The following ANO3 variants were observed in gnomAD, a reference collection of about 807,000 sequenced individuals.
ANO3 encodes anoctamin 3, also known as anoctamin-3.
In ANO3, 99 loss-of-function variants were observed where a neutral mutation model predicts 144.8. That is an observed-to-expected ratio of 0.68 (90% CI 0.58 to 0.81). ANO3 has a LOEUF of 0.81. Among genes scored for constraint, ANO3 ranks in the 30% least tolerant of loss-of-function variants. The pLI is 0.00. For missense variants in ANO3, 905 were observed against 1,202.2 expected (o/e 0.75, Z 3.66); for synonymous variants, 414 against 392.6 (o/e 1.05, Z -0.64).
At chr11:26,529,636 G>A (rs1849315123) in intron 7 of ANO3, among the ~76,000 whole-genome samples, 1 of 148,980 alleles carries the variant, frequency 6.7e-6, no homozygotes, top group East Asian at 2.0e-4. Flanking sequence ...ATTCTATCCT[G>A]CTATTTGGAC....
chr11:26,510,228 G>A (rs200425190), intron 5 of ANO3, among the ~76,000 whole-genome samples: 2 of 151,208 alleles, frequency 1.3e-5, no homozygotes, highest in East Asian at 3.9e-4. Context: ...AACACATCAT[G>A]ACTTGACTCT....
chr11:26,490,013 A>C lies in ANO3; in HGVS notation c.433-18091A>C, dbSNP rs542828638. ...ATTGGTTTTAAAATGTGAGGACATGAGATTTGGAGGGTCCAGGGACAGAAT... is the reference window on the plus strand; with the variant it reads ...ATTGGTTTTAAAATGTGAGGACATGCGATTTGGAGGGTCCAGGGACAGAAT... On this transcript the variant is annotated intron_variant, in intron 4 of 26. Transcript: ENST00000256737. 5.3e-5 allele frequency among the ~76,000 whole-genome samples: 8 copies of C among 152,290 alleles called. No homozygotes were observed. The East Asian group carries it at 1.5e-3, about 29-fold the overall frequency.
intron 1 of ANO3, among the ~76,000 whole-genome samples, chr11:26,422,014 G>A (rs1290697824): frequency 2.0e-5 from 3 of 151,942 alleles, no homozygotes; most frequent in Non-Finnish European, 4.4e-5. Context: ...CTTAATAGCT[G>A]GGTGATGAAG....
chr11:26,379,189 T>C (rs1414880524), intron 1 of ANO3, among the ~76,000 whole-genome samples: 2 of 152,148 alleles, frequency 1.3e-5, no homozygotes, highest in Non-Finnish European at 2.9e-5. Context: ...TATCAGGTTT[T>C]TACAATGAGA....
chr11:26,446,670 G>A (rs1169045320), intron 3 of ANO3, among the ~76,000 whole-genome samples: 1 of 152,182 alleles, frequency 6.6e-6, no homozygotes, highest in Non-Finnish European at 1.5e-5. Context: ...CTGTGTAACT[G>A]TAGTATATTA....
intron 1 of ANO3, among the ~76,000 whole-genome samples, chr11:26,246,545 T>G (rs1852799445): frequency 2.7e-5 from 4 of 150,542 alleles, no homozygotes; most frequent in Admixed American, 2.7e-4. Context: ...TCATGTACTG[T>G]TCATGTCTTT....
At chr11:26,414,895 T>C (rs948979131) in intron 1 of ANO3, among the ~76,000 whole-genome samples, 6 of 151,998 alleles carry the variant, frequency 3.9e-5, no homozygotes, top group African/African-American at 7.2e-5. Context: ...ATCTGGCCAA[T>C]TTGTTTGTTT....
At chr11:26,636,451 C>G (rs918159578) in intron 20 of ANO3, among the ~76,000 whole-genome samples, 6 of 152,068 alleles carry the variant, frequency 3.9e-5, no homozygotes, top group Non-Finnish European at 8.8e-5. Context: ...TTAATAATAG[C>G]TAAGATTTAT....
chr11:26,576,028 G>A (rs1456386058), intron 14 of ANO3, among the ~76,000 whole-genome samples: 8 of 152,212 alleles, frequency 5.3e-5, no homozygotes, highest in Admixed American at 1.3e-4. Context: ...GAAAGACTTT[G>A]TCGCTCAGGT....
At chr11:26,253,063 C>T (rs1019760480) in intron 1 of ANO3, among the ~76,000 whole-genome samples, 4 of 152,136 alleles carry the variant, frequency 2.6e-5, no homozygotes, top group East Asian at 1.9e-4. Flanking sequence ...GCTTCTTTAA[C>T]GCTTCACAAT....
At chr11:26,609,305 G>T (rs930200113) in intron 17 of ANO3, among the ~76,000 whole-genome samples, 22 of 151,960 alleles carry the variant, frequency 1.4e-4, no homozygotes, top group African/African-American at 4.6e-4. Flanking sequence ...TTGGTTGCAG[G>T]TGTAGGATTC....
At chr11:26,659,780 A>C (rs1184027315) in intron 26 of ANO3, among the ~76,000 whole-genome samples, 1 of 152,200 alleles carries the variant, frequency 6.6e-6, no homozygotes, top group Admixed American at 6.5e-5. Flanking sequence ...TAAAGCAGCT[A>C]TGATGATATA....
intron 1 of ANO3, among the ~76,000 whole-genome samples, chr11:26,433,746 A>T (rs1026399353): frequency 3.3e-5 from 5 of 152,184 alleles, no homozygotes; most frequent in Non-Finnish European, 7.3e-5. Context: ...CCAGGTATAA[A>T]GCCTACTTAA....
At chr11:26,335,990 A>T (rs901698756) in intron 1 of ANO3, among the ~76,000 whole-genome samples, 13 of 152,094 alleles carry the variant, frequency 8.5e-5, no homozygotes, top group Non-Finnish European at 1.8e-4. Flanking sequence ...AGTGGTGGGG[A>T]GGGGGAGGCA....
rs999489515 is a variant in ANO3 at position 26,347,340 on chromosome 11, T to G, written c.46+15019T>G. Among the ~76,000 whole-genome samples the G allele has an allele frequency of 5.9e-5, 9 of 152,234 alleles. No homozygotes were observed. The East Asian group carries it at 1.7e-3, about 29-fold the overall frequency. On this transcript the variant is annotated intron_variant, in intron 1 of 26. Transcript: ENST00000256737. ...AATGTTGAAGTTAACGTTTCTTGAT[T>G]ATCAAAACTATTAATCCAATTATGA... is the stretch of plus-strand genomic sequence containing the variant.
chr11:26,333,524 C>T (rs139260849), intron 1 of ANO3, among the ~76,000 whole-genome samples: 10,552 of 152,124 alleles, frequency 0.069, 479 homozygotes, highest in Non-Finnish European at 0.1. Flanking sequence ...CCTCGTGATC[C>T]GCCCGCCTTA....
At chr11:26,215,033 A>G (rs1590197493) in intron 1 of ANO3, among the ~76,000 whole-genome samples, 1 of 152,130 alleles carries the variant, frequency 6.6e-6, no homozygotes, top group East Asian at 1.9e-4. Context: ...TTATGATCAC[A>G]TCATGACAAA....
chr11:26,224,852 G>A (rs1404002763), intron 1 of ANO3, among the ~76,000 whole-genome samples: 1 of 152,170 alleles, frequency 6.6e-6, no homozygotes, highest in South Asian at 2.1e-4. Flanking sequence ...GGCAACCAAA[G>A]TGCAAACAAG....
At chr11:26,309,970 A>G (rs1165651353) in intron 1 of ANO3, among the ~76,000 whole-genome samples, 1 of 152,234 alleles carries the variant, frequency 6.6e-6, no homozygotes, top group South Asian at 2.1e-4. Flanking sequence ...AAGAGCTCAC[A>G]TACAAAAACA....
Sources: gnomAD v4.1 joint callset for allele counts (sites outside exome capture counted in the v4.1 genomes callset) on GRCh38, gnomAD v4.1.1 for gene constraint, MANE v1.5 for transcripts, NCBI Gene and HGNC (gene_info 2026-07-23, HGNC 2026-07-21) for gene names.